Variants in ZSCAN25 observed in about 807,000 individuals in gnomAD.
ZSCAN25 encodes the protein zinc finger and SCAN domain containing 25.
In ZSCAN25, 27 loss-of-function variants were observed where a neutral mutation model predicts 38.7. The ratio of observed to expected loss-of-function variants is 0.70; its 90% CI spans 0.51 to 0.96. The LOEUF is 0.96. ZSCAN25 is among the 40% of genes least tolerant of loss of function. The pLI, the probability that ZSCAN25 is intolerant of heterozygous loss-of-function variation, is 0.00. For synonymous variants in ZSCAN25, 273 were observed against 277.7 expected (o/e 0.98, Z 0.17); for missense variants, 637 against 705.9 (o/e 0.90, Z 1.11).
intron 4 of ZSCAN25, 126 bp downstream of exon 4, chr7:99,620,119 C>T: frequency 4.5e-6 from 6 of 1,341,878 alleles, no homozygotes; most frequent in Non-Finnish European, 5.9e-6. Flanking sequence ...CCCTCAGACT[C>T]CCTGAGGTTC....
chr7:99,638,659 C>G, the ZSCAN25 span: 2 of 1,571,814 alleles, frequency 1.3e-6, no homozygotes, highest in East Asian at 2.2e-5. Context: ...CACCGACTGG[C>G]CCAGCTTCAA....
chr7:99,711,536 A>C, the ZSCAN25 span, among the ~76,000 whole-genome samples: 1 of 152,212 alleles, frequency 6.6e-6, no homozygotes, highest in Non-Finnish European at 1.5e-5. Flanking sequence ...TGGGAGGCCA[A>C]GGTGGGTGGA....
At chr7:99,670,622 T>C in the ZSCAN25 span, among the ~76,000 whole-genome samples, 2 of 152,228 alleles carry the variant, frequency 1.3e-5, no homozygotes, top group Admixed American at 6.5e-5. Context: ...TATAGAAAAA[T>C]TTGATTTTGC....
chr7:99,641,365 G>C, the ZSCAN25 span, among the ~76,000 whole-genome samples: 15 of 152,118 alleles, frequency 9.9e-5, no homozygotes, highest in African/African-American at 3.6e-4. Context: ...ACAGCATGCG[G>C]GTAACCACCC....
chr7:99,675,375 C>A, the ZSCAN25 span, among the ~76,000 whole-genome samples: 1 of 152,094 alleles, frequency 6.6e-6, no homozygotes, highest in Non-Finnish European at 1.5e-5. Context: ...GAAGAAATTA[C>A]TGCTTTTATC....
the ZSCAN25 span, among the ~76,000 whole-genome samples, chr7:99,696,815 G>T: frequency 1.3e-5 from 2 of 152,204 alleles, no homozygotes; most frequent in Non-Finnish European, 2.9e-5. Context: ...CTTAGGGGCA[G>T]TTTCTCCTGG....
At chr7:99,691,457 C>A in the ZSCAN25 span, among the ~76,000 whole-genome samples, 1 of 151,802 alleles carries the variant, frequency 6.6e-6, no homozygotes, top group Non-Finnish European at 1.5e-5. Flanking sequence ...ATAAAATAAA[C>A]CTTCTGTCTC....
the ZSCAN25 span, chr7:99,647,683 A>G: frequency 1.0e-6 from 1 of 985,346 alleles, no homozygotes. Flanking sequence ...AACAATGGGC[A>G]AAGTCACAGC....
At position 99,629,741 on chromosome 7, in the gene ZSCAN25, G is replaced by A. The variant is rs143432821; in HGVS notation, c.1356G>A (p.Thr452=). The change falls in exon 8 of 8, where the codon ACG becomes ACA. Residue 452 remains threonine (T), a synonymous_variant. Transcript: ENST00000394152. The surrounding 1 kb of genome is among the most constrained non-coding windows in gnomAD (Gnocchi z 5.6). ...RRQHLQVHRR[T]HTGEKPYTCE... is the part of the protein sequence containing the mutation. Reference sequence around the variant, plus strand: ...AGCACCTGCAGGTGCACCGGAGGACGCACACCGGGGAGAAGCCCTACACCT... The same window carrying A: ...AGCACCTGCAGGTGCACCGGAGGACACACACCGGGGAGAAGCCCTACACCT... The A allele has an allele frequency of 5.9e-5, 95 of 1,614,016 alleles. 1 individual carries two copies. The African/African-American group carries it at 1.1e-3, about 19-fold the overall frequency.
the ZSCAN25 span, among the ~76,000 whole-genome samples, chr7:99,691,477 T>A: frequency 1.3e-5 from 2 of 152,326 alleles, no homozygotes; most frequent in South Asian, 4.1e-4. Context: ...CATTGATCTG[T>A]CTAATATTGA....
At chr7:99,635,239 G>A (rs1808225171), downstream of ZSCAN25, among the ~76,000 whole-genome samples, 1 of 151,464 alleles carries the variant, frequency 6.6e-6, no homozygotes, top group Non-Finnish European at 1.5e-5. Context: ...CACAGTTTCA[G>A]GTACTGTACT....
chr7:99,688,751 G>A, the ZSCAN25 span, among the ~76,000 whole-genome samples: 1 of 152,176 alleles, frequency 6.6e-6, no homozygotes, highest in East Asian at 1.9e-4. Context: ...TTCCAAAATT[G>A]ACCACATAGT....
chr7:99,672,961 C>G, the ZSCAN25 span: 2 of 1,133,502 alleles, frequency 1.8e-6, no homozygotes, highest in South Asian at 5.8e-5. Flanking sequence ...TTAGAAATGA[C>G]AGTAGAGCAT....
chr7:99,627,952 C>T (rs1038641419), intron 7 of ZSCAN25, among the ~76,000 whole-genome samples: 2 of 151,616 alleles, frequency 1.3e-5, no homozygotes, highest in African/African-American at 4.9e-5. Flanking sequence ...TGGTTGGGTT[C>T]GTTAAGAAAA....
the ZSCAN25 span, chr7:99,670,922 A>G: frequency 6.6e-6 from 1 of 152,210 alleles, no homozygotes; most frequent in Non-Finnish European, 1.5e-5. Context: ...TTCTTTTATA[A>G]TAAAAAATAT....
At chr7:99,624,621 G>A (rs561507939) in intron 7 of ZSCAN25, 8 of 185,482 alleles carry the variant, frequency 4.3e-5, no homozygotes, top group East Asian at 1.3e-4. Context: ...TGGAGCTCAC[G>A]GTGTGCACGT....
At chr7:99,731,332 C>T in the ZSCAN25 span, among the ~76,000 whole-genome samples, 1 of 152,156 alleles carries the variant, frequency 6.6e-6, no homozygotes, top group African/African-American at 2.4e-5. Context: ...TTCATGCTTC[C>T]ACCATGAGAC....
chr7:99,663,745 A>G, the ZSCAN25 span: 1 of 1,201,912 alleles, frequency 8.3e-7, no homozygotes, highest in Admixed American at 4.4e-5. Flanking sequence ...ATCATGACAT[A>G]CTAATTGTTG....
the ZSCAN25 span, chr7:99,660,204 C>T: frequency 1.5e-4 from 146 of 991,066 alleles, no homozygotes; most frequent in Non-Finnish European, 1.7e-4. Context: ...GCCATCTTCT[C>T]GCCACACTCC....
Sources: gnomAD v4.1 joint callset for allele counts (sites outside exome capture counted in the v4.1 genomes callset) on GRCh38, gnomAD v4.1.1 for gene constraint, Gnocchi (gnomAD v3.1) non-coding constraint, MANE v1.5 for transcripts, NCBI Gene and HGNC (gene_info 2026-07-23, HGNC 2026-07-21) for gene names.